The following TBX5 variants were observed in gnomAD, a reference collection of about 807,000 sequenced individuals.
TBX5 encodes the protein T-box transcription factor 5.
In TBX5, 8 loss-of-function variants were observed where a neutral mutation model predicts 51.1. The ratio of observed to expected loss-of-function variants is 0.16; its 90% CI spans 0.09 to 0.28. TBX5 has a LOEUF of 0.28. TBX5 is among the 10% of genes least tolerant of loss of function. TBX5 has a pLI of 1.00. For missense variants in TBX5, 589 were observed against 671.7 expected (o/e 0.88, Z 1.36); for synonymous variants, 302 against 266.4 (o/e 1.13, Z -1.30).
chr12:114,366,118 G>A, intron 8 of TBX5, 47 bp downstream of exon 8: 1 of 1,597,252 alleles, frequency 6.3e-7, no homozygotes, highest in Non-Finnish European at 8.6e-7. Flanking sequence ...CCAAGGAAAG[G>A]AAAAGGTAAG....
intron 5 of TBX5, among the ~76,000 whole-genome samples, chr12:114,397,733 C>A (rs573873065): frequency 6.6e-6 from 1 of 152,124 alleles, no homozygotes; most frequent in Non-Finnish European, 1.5e-5. Context: ...GGTTTACATT[C>A]GCCTGCTCTG....
At chr12:114,366,468 G>A (rs1280779872) in intron 7 of TBX5, 77 bp from the exon 8 acceptor site, 2 of 1,426,580 alleles carry the variant, frequency 1.4e-6, no homozygotes, top group African/African-American at 2.8e-5. Flanking sequence ...CCAGGTGTGA[G>A]AGAATCCACC....
At chr12:114,356,288 T>C (rs1339959530) in intron 8 of TBX5, among the ~76,000 whole-genome samples, 182 bp from the exon 9 acceptor site, 1 of 152,160 alleles carries the variant, frequency 6.6e-6, no homozygotes, top group East Asian at 1.9e-4. Context: ...GCTATGGAGT[T>C]CTATGCAAAC....
At chr12:114,407,981 G>A, upstream of TBX5, 3 of 985,426 alleles carry the variant, frequency 3.0e-6, no homozygotes, top group Non-Finnish European at 2.4e-6. Context: ...GCTCAAGGTT[G>A]GTTTGTGGTC....
At chr12:114,384,744 C>CAA (rs1555225283) in intron 7 of TBX5, among the ~76,000 whole-genome samples, 3 of 62,560 alleles carry the variant, frequency 4.8e-5, no homozygotes, top group South Asian at 6.5e-4. Flanking sequence ...CACACACACA[C>CAA]AACACACACA....
At chr12:114,397,149 G>T (rs538344287) in intron 5 of TBX5, among the ~76,000 whole-genome samples, 4 of 151,720 alleles carry the variant, frequency 2.6e-5, no homozygotes, top group African/African-American at 9.7e-5. Context: ...ATCCTCCCCC[G>T]CCCCCTTGAC....
chr12:114,366,155 T>G lies in TBX5; in HGVS notation c.982+10A>C. On this transcript the variant is annotated intron_variant, in intron 8 of 8. Coordinates refer to ENST00000405440, the MANE Select transcript of TBX5 (RefSeq NM_181486.4). Reference sequence around the variant, plus strand: ...AAGAAAGCAAATTGACCAGGGGTGATCACACTCACCTTTCCTCTTGGTACA... The same window carrying G: ...AAGAAAGCAAATTGACCAGGGGTGAGCACACTCACCTTTCCTCTTGGTACA... 1 of 1,613,070 alleles carries G rather than the reference T, an allele frequency of 6.2e-7. No homozygotes were observed. The highest frequency in any genetic ancestry group is 8.5e-7 in the Non-Finnish European group (1 of 1,179,020).
chr12:114,366,933 G>A (rs963417663), intron 7 of TBX5, among the ~76,000 whole-genome samples: 12 of 152,278 alleles, frequency 7.9e-5, no homozygotes, highest in Admixed American at 4.6e-4. Context: ...TTCCTCCTGA[G>A]CTTCTGTCCT....
At chr12:114,371,163 A>G (rs1869880446) in intron 7 of TBX5, among the ~76,000 whole-genome samples, 1 of 151,978 alleles carries the variant, frequency 6.6e-6, no homozygotes, top group Non-Finnish European at 1.5e-5. Flanking sequence ...GATCTATCCT[A>G]CTCTTTGCAG....
chr12:114,365,938 A>AT (rs1309591812), intron 8 of TBX5, among the ~76,000 whole-genome samples: 2 of 152,200 alleles, frequency 1.3e-5, no homozygotes. Flanking sequence ...AACATTTCAA[A>AT]TAAGCTTTCT....
In TBX5 at chr12:114,354,692, T is replaced by G. The variant is rs1761518327; in HGVS notation, c.*840A>C. ...GTCCTGCCTACATGTAAACGGGGGC[T>G]TTTTAAGTTTTTCAAAGCAAGCTTT... is the stretch of plus-strand genomic sequence containing the variant. On this transcript the variant is annotated 3_prime_UTR_variant, in exon 9 of 9. Coordinates refer to ENST00000405440, the MANE Select transcript of TBX5 (RefSeq NM_181486.4). The G allele has an allele frequency of 6.6e-6, 1 of 152,628 alleles. No individual in the cohort carries two copies. Among genetic ancestry groups the G allele is most frequent in the Non-Finnish European group, 1.5e-5 (1 of 68,118 alleles). The allele number at this position is 152,628 out of a possible 1,614,324, so 9.5% of individuals were successfully genotyped here.
chr12:114,401,327 A>G (rs1871798570), intron 3 of TBX5, among the ~76,000 whole-genome samples: 1 of 152,118 alleles, frequency 6.6e-6, no homozygotes, highest in Non-Finnish European at 1.5e-5. Flanking sequence ...AATACATCCA[A>G]CGATTCAGAG....
At chr12:114,397,056 T>C (rs984208737) in intron 5 of TBX5, among the ~76,000 whole-genome samples, 9 of 152,126 alleles carry the variant, frequency 5.9e-5, no homozygotes, top group Non-Finnish European at 1.3e-4. Context: ...GAGATCCTCT[T>C]CCCATCCCAG....
intron 6 of TBX5, among the ~76,000 whole-genome samples, chr12:114,390,858 C>T (rs921517223): frequency 2.0e-5 from 3 of 152,170 alleles, no homozygotes; most frequent in Non-Finnish European, 2.9e-5. Flanking sequence ...TTTACAAAAA[C>T]GTGTTTCACA....
At chr12:114,394,059 C>T (rs759054160) in intron 6 of TBX5, among the ~76,000 whole-genome samples, 8 of 152,180 alleles carry the variant, frequency 5.3e-5, no homozygotes, top group African/African-American at 1.2e-4. Flanking sequence ...GTAATACCAA[C>T]GCTTTGGAAA....
chr12:114,379,668 C>T (rs1019317587), intron 7 of TBX5, among the ~76,000 whole-genome samples: 3 of 152,208 alleles, frequency 2.0e-5, no homozygotes, highest in African/African-American at 7.2e-5. Flanking sequence ...AGACACTCCT[C>T]GGTCGAGTAG....
intron 5 of TBX5, among the ~76,000 whole-genome samples, chr12:114,397,835 T>G (rs1352020884): frequency 6.6e-6 from 1 of 152,184 alleles, no homozygotes; most frequent in Admixed American, 6.5e-5. Flanking sequence ...GGCACCATAG[T>G]TCTCTTATGA....
chr12:114,389,761 A>C (rs1871055856), intron 6 of TBX5, among the ~76,000 whole-genome samples: 1 of 54,846 alleles, frequency 1.8e-5, no homozygotes, highest in East Asian at 2.9e-4. Context: ...CTCAAAAAAA[A>C]AAAAAAAAAA....
chr12:114,385,538 G>A lies in TBX5; in HGVS notation c.693C>T (p.Pro231=). The stretch of plus-strand genomic sequence containing the variant: ...CACTGCCCCGAAATCCTTTGGCAAA[G>A]GGATTATTCTCAATCTTTAATTGCG... ...KITQLKIENN[P]FAKGFRGSDD... The change falls in exon 7 of 9, where the codon CCC becomes CCT. Residue 231 remains proline (P), a synonymous_variant. Coordinates refer to ENST00000405440, the MANE Select transcript of TBX5 (RefSeq NM_181486.4). 5 of 1,614,164 alleles carry A rather than the reference G, an allele frequency of 3.1e-6. No individual in the cohort carries two copies. The highest frequency in any genetic ancestry group is 4.2e-6 in the Non-Finnish European group (5 of 1,180,030).
Sources: allele counts gnomAD v4.1 joint callset (sites outside exome capture counted in the v4.1 genomes callset), GRCh38; gene constraint gnomAD v4.1.1; transcripts MANE v1.5; gene names NCBI Gene and HGNC (gene_info 2026-07-23, HGNC 2026-07-21).